SFI1: variants seen among roughly 807,000 people sequenced by gnomAD.
SFI1 encodes the protein protein SFI1 homolog.
In SFI1, 195 loss-of-function variants were observed where a neutral mutation model predicts 207.5. The observed-to-expected ratio is 0.94, with a 90% confidence interval of 0.84 to 1.06. The LOEUF (loss-of-function observed/expected upper bound fraction) is 1.06, where lower values mean the gene tolerates loss of function less well. SFI1 is among the 50% of genes least tolerant of loss of function. The pLI is 0.00. For synonymous variants in SFI1, 630 were observed against 598.9 expected (o/e 1.05, Z -0.76); for missense variants, 1,634 against 1,588.0 (o/e 1.03, Z -0.49).
chr22:31,612,989 C>T (rs1378560810), intron 24 of SFI1, 153 bp from the exon 25 acceptor site: 16 of 709,052 alleles, frequency 2.3e-5, no homozygotes, highest in Non-Finnish European at 3.5e-5. Flanking sequence ...TTGAGCATCT[C>T]ACCGCCAGGC....
chr22:31,572,115 A>G (rs1270324935), intron 8 of SFI1, among the ~76,000 whole-genome samples: 2 of 152,212 alleles, frequency 1.3e-5, no homozygotes, highest in Non-Finnish European at 2.9e-5. Flanking sequence ...GAGAGAAGAC[A>G]GAGCCCGTGG....
chr22:31,550,322 A>G lies in SFI1; in HGVS notation c.518A>G (p.Asn173Ser). 1 of 1,614,160 alleles carries G rather than the reference A, an allele frequency of 6.2e-7. No homozygotes were observed. The highest frequency in any genetic ancestry group is 8.5e-7 in the Non-Finnish European group (1 of 1,179,990). The stretch of plus-strand genomic sequence containing the variant: ...GTGCGTCAGCAGCAGGAGATGAGGA[A>G]CAAGTACATTAGAGCCGAGGTTCAT... ...TYVRQQQEMR[N>S]KYIRAEVHDA... is the part of the protein sequence containing the mutation. Residue 173 changes from asparagine (N) to serine (S), a missense_variant, in exon 6 of 33, where the codon AAC (asparagine) becomes AGC (serine). Coordinates refer to ENST00000400288, the MANE Select transcript of SFI1 (RefSeq NM_001007467.3).
At chr22:31,513,940 C>T (rs1362288915) in intron 2 of SFI1, among the ~76,000 whole-genome samples, 1 of 151,604 alleles carries the variant, frequency 6.6e-6, no homozygotes, top group East Asian at 2.0e-4. Flanking sequence ...TGGAGACCAG[C>T]CTGGCTGACA....
intron 1 of SFI1, among the ~76,000 whole-genome samples, chr22:31,500,456 A>ATTTATT (rs928412796): frequency 1.3e-5 from 2 of 152,024 alleles, no homozygotes; most frequent in Non-Finnish European, 2.9e-5. Context: ...AGGTGTTTTT[A>ATTTATT]TTTATTTTTA....
At chr22:31,603,999 TTC>T (rs1340200015) in intron 18 of SFI1, among the ~76,000 whole-genome samples, 180 bp downstream of exon 18, 1 of 152,236 alleles carries the variant, frequency 6.6e-6, no homozygotes, top group East Asian at 1.9e-4. Context: ...AAATTTTGTG[TTC>T]TTTCAGATCC....
chr22:31,598,716 C>CTTTTTTTTTTTTTT (rs71184513), intron 15 of SFI1, among the ~76,000 whole-genome samples: 1,220 of 26,876 alleles, frequency 0.045, 421 homozygotes, highest in East Asian at 0.22. Flanking sequence ...TGCGCCTGGC[C>CTTTTTTTTTTTTTT]TTTTTTTTTT....
Position 31,585,050 on chromosome 22 carries a change from T to C in SFI1, c.1347-18T>C. The C allele has an allele frequency of 6.2e-7, 1 of 1,611,032 alleles. No individual in the cohort carries two copies. Among genetic ancestry groups the C allele is most frequent in the Non-Finnish European group, 8.5e-7 (1 of 1,178,678 alleles). ...TTTAAAAACTTGAAACCTGAAGGTGTTCTTCCTTTTGTTTCAGAATAGCAC... is the reference window on the plus strand; with the variant it reads ...TTTAAAAACTTGAAACCTGAAGGTGCTCTTCCTTTTGTTTCAGAATAGCAC... On this transcript the variant is annotated intron_variant, in intron 13 of 32. Coordinates refer to ENST00000400288, the MANE Select transcript of SFI1 (RefSeq NM_001007467.3).
intron 15 of SFI1, among the ~76,000 whole-genome samples, chr22:31,595,025 CTT>C (rs1419647253): frequency 2.0e-5 from 3 of 151,834 alleles, no homozygotes; most frequent in Non-Finnish European, 4.4e-5. Context: ...GAGTTGGAGT[CTT>C]GTCCTTTCGC....
chr22:31,614,632 GCT>G lies in SFI1; in HGVS notation c.2997-154_2997-153del, dbSNP rs757453603. The G allele has an allele frequency of 4.4e-5, 34 of 781,398 alleles. No homozygotes were observed. In the African/African-American group the frequency reaches 5.4e-4, roughly 13 times the overall value. 48.4% of individuals were successfully genotyped at this position (781,398 alleles called of 1,614,324 possible). A position where few individuals can be genotyped will look rare whatever the true frequency, so the allele number is the denominator to read the frequency against. On this transcript the variant is annotated intron_variant, in intron 27 of 32. Transcript: ENST00000400288. Reference sequence around the variant, plus strand: ...GTACCTTTTGTCGGAACTGCTGGGAGCTCTATGGCCCAGGCCCACCCCAGCTT... The same window carrying G: ...GTACCTTTTGTCGGAACTGCTGGGAGCTATGGCCCAGGCCCACCCCAGCTT...
At chr22:31,537,524 G>A (rs543864279) in intron 4 of SFI1, among the ~76,000 whole-genome samples, 2 of 152,286 alleles carry the variant, frequency 1.3e-5, no homozygotes, top group Admixed American at 6.5e-5. Flanking sequence ...GTGGTAGGCG[G>A]GTGTAGAGGA....
Position 31,612,150 on chromosome 22 carries a change from A to G in SFI1, c.2490+310A>G, listed in dbSNP as rs185816326. On this transcript the variant is annotated intron_variant, in intron 24 of 32. Coordinates refer to ENST00000400288, the MANE Select transcript of SFI1 (RefSeq NM_001007467.3). ...TCCCAGCACTTTGGGAGGCCGAGGC[A>G]GGCGGATCATGAGGTCAGGAGATCG... 2.5e-3 allele frequency: 2,173 copies of G among 876,766 alleles called. 40 individuals carry two copies. The African/African-American group carries it at 0.035, about 14-fold the overall frequency. The allele number at this position is 876,766 out of a possible 1,614,324, so 54.3% of individuals were successfully genotyped here.
chr22:31,541,206 G>A (rs2059452851), intron 4 of SFI1, among the ~76,000 whole-genome samples: 1 of 151,870 alleles, frequency 6.6e-6, no homozygotes, highest in Non-Finnish European at 1.5e-5. Flanking sequence ...GGTGCTTCTT[G>A]TCTCCCTTCT....
chr22:31,496,975 G>T (rs1449404895), intron 1 of SFI1, among the ~76,000 whole-genome samples: 1 of 152,220 alleles, frequency 6.6e-6, no homozygotes, highest in East Asian at 1.9e-4. Flanking sequence ...GCCCCTTAGC[G>T]TGCGCGGATC....
chr22:31,548,788 GAC>G (rs1432576488), intron 5 of SFI1, among the ~76,000 whole-genome samples: 1 of 151,502 alleles, frequency 6.6e-6, no homozygotes, highest in Non-Finnish European at 1.5e-5. Flanking sequence ...CAGTCTGGAC[GAC>G]AGAGTGAGAC....
Position 31,613,620 on chromosome 22 carries a change from C to T in SFI1, c.2761C>T (p.Arg921Cys), listed in dbSNP as rs751268066. 74 of 1,587,288 alleles carry T rather than the reference C, an allele frequency of 4.7e-5. No homozygotes were observed. The highest frequency in any genetic ancestry group is 3.9e-4 in the Admixed American group (23 of 58,852). Residue 921 changes from arginine to cysteine, a missense_variant, in exon 27 of 33, where the codon CGT becomes TGT. Arg to Cys is a radical substitution (Grantham distance 180, BLOSUM62 -3). Coordinates refer to ENST00000400288, the MANE Select transcript of SFI1 (RefSeq NM_001007467.3). ...GTTGTAGGCGGCTCACAGTCTCCATCGTGCCGTCCGCCGCTGTGCCACGCT... is the reference window on the plus strand; with the variant it reads ...GTTGTAGGCGGCTCACAGTCTCCATTGTGCCGTCCGCCGCTGTGCCACGCT... Reference protein sequence around the residue: ...QQVQAAHSLHRAVRRCATLWK... With the variant: ...QQVQAAHSLHCAVRRCATLWK...
chr22:31,604,874 C>T lies in SFI1; in HGVS notation c.1983C>T (p.Tyr661=). 1 of 1,611,688 alleles carries T rather than the reference C, an allele frequency of 6.2e-7. No homozygotes were observed. The highest frequency in any genetic ancestry group is 8.5e-7 in the Non-Finnish European group (1 of 1,178,808). ...GTCTTCCTTGTCCCCTACAGACTTACCAGGGCAGGGTGCGAAGCATCCTCC... is the reference window on the plus strand; with the variant it reads ...GTCTTCCTTGTCCCCTACAGACTTATCAGGGCAGGGTGCGAAGCATCCTCC... The part of the protein sequence containing the change: ...LHRALQAWVT[Y]QGRVRSILRE... Residue 661 remains tyrosine, a synonymous_variant, in exon 20 of 33, where the codon TAC becomes TAT. Coordinates refer to ENST00000400288, the MANE Select transcript of SFI1 (RefSeq NM_001007467.3).
rs1056443782 is a variant in SFI1 at position 31,611,146 on chromosome 22, G to A, written c.2258G>A (p.Cys753Tyr). ...WEAQKVLDRG[C>Y]LRTWFQRWWD... ...CTCTGACTTGGATCTGCCTTAGGCT[G>A]TCTGCGGACCTGGTTTCAGCGCTGG... The change falls in exon 23 of 33, where the codon TGT (cysteine) becomes TAT (tyrosine). Residue 753 changes from cysteine to tyrosine, a missense_variant. Transcript: ENST00000400288. 2.5e-5 allele frequency: 41 copies of A among 1,614,090 alleles called. No individual in the cohort carries two copies. Among genetic ancestry groups the A allele is most frequent in the Non-Finnish European group, 3.2e-5 (38 of 1,180,058 alleles).
intron 5 of SFI1, among the ~76,000 whole-genome samples, chr22:31,548,740 C>T (rs1218426502): frequency 6.6e-6 from 1 of 151,072 alleles, no homozygotes; most frequent in African/African-American, 2.4e-5. Context: ...ACCCAGGAGT[C>T]GGAGGTTGCA....
At chr22:31,576,958 C>T (rs2063589744) in intron 10 of SFI1, among the ~76,000 whole-genome samples, 1 of 152,128 alleles carries the variant, frequency 6.6e-6, no homozygotes, top group South Asian at 2.1e-4. Flanking sequence ...TTCTTAATCA[C>T]TACCCCTACC....
Sources: gnomAD v4.1 joint callset for allele counts (sites outside exome capture counted in the v4.1 genomes callset) on GRCh38, gnomAD v4.1.1 for gene constraint, MANE v1.5 for transcripts, NCBI Gene and HGNC (gene_info 2026-07-23, HGNC 2026-07-21) for gene names.